The following SPAG16 variants were observed in gnomAD, a reference collection of about 807,000 sequenced individuals.
SPAG16 encodes sperm-associated antigen 16 protein.
A neutral mutation model predicts 80.4 loss-of-function variants in SPAG16; 86 were observed. The observed-to-expected ratio is 1.07, with a 90% confidence interval of 0.90 to 1.28. The LOEUF (loss-of-function observed/expected upper bound fraction) is 1.28. SPAG16 is among the 50% of genes most tolerant of loss of function. The pLI, the probability that SPAG16 is intolerant of heterozygous loss-of-function variation, is 0.00. For synonymous variants in SPAG16, 294 were observed against 265.9 expected, an observed-to-expected ratio of 1.11 and a Z score of -1.03; for missense variants, 870 against 765.3, an observed-to-expected ratio of 1.14 and a Z score of -1.61.
chr2:213,586,023 C>A (rs1247310498), intron 10 of SPAG16, among the ~76,000 whole-genome samples: 1 of 152,004 alleles, frequency 6.6e-6, no homozygotes, highest in African/African-American at 2.4e-5. Flanking sequence ...TGACGTATAC[C>A]ATGCATTCAG....
intron 15 of SPAG16, among the ~76,000 whole-genome samples, chr2:214,340,028 A>G (rs1028968700): frequency 1.3e-5 from 2 of 152,222 alleles, no homozygotes; most frequent in Non-Finnish European, 1.5e-5. Flanking sequence ...AATATGTGTT[A>G]CCTGAAGTTG....
chr2:213,990,325 CA>C (rs11331514), intron 12 of SPAG16, among the ~76,000 whole-genome samples: 10,176 of 152,110 alleles, frequency 0.067, 410 homozygotes, highest in African/African-American at 0.11. Context: ...AGAAATTAAT[CA>C]CTTTTTTGCA....
intron 9 of SPAG16, among the ~76,000 whole-genome samples, chr2:213,426,727 T>A (rs2069938609): frequency 6.6e-6 from 1 of 151,482 alleles, no homozygotes; most frequent in African/African-American, 2.4e-5. Context: ...CTTAAAAGGG[T>A]GAACTGTTCT....
At chr2:213,451,918 C>T (rs2071717049) in intron 9 of SPAG16, among the ~76,000 whole-genome samples, 1 of 152,038 alleles carries the variant, frequency 6.6e-6, no homozygotes, top group Non-Finnish European at 1.5e-5. Flanking sequence ...GTGTCCCTGA[C>T]TCGCCCCATA....
intron 10 of SPAG16, among the ~76,000 whole-genome samples, chr2:213,636,773 A>T (rs939987874): frequency 2.0e-5 from 3 of 152,212 alleles, no homozygotes; most frequent in African/African-American, 7.2e-5. Context: ...GTTCGTGTAT[A>T]ACAATGCTAC....
chr2:214,079,565 A>G (rs2051258686), intron 13 of SPAG16, among the ~76,000 whole-genome samples: 1 of 152,228 alleles, frequency 6.6e-6, no homozygotes, highest in Non-Finnish European at 1.5e-5. Context: ...TAAAATTCCC[A>G]ACAAATTTCA....
At chr2:213,288,648 T>A (rs900153524) in intron 1 of SPAG16, among the ~76,000 whole-genome samples, 2 of 151,880 alleles carry the variant, frequency 1.3e-5, no homozygotes, top group Non-Finnish European at 2.9e-5. Context: ...TTTTTAACTT[T>A]TTTTTTTTTT....
intron 12 of SPAG16, among the ~76,000 whole-genome samples, chr2:213,979,685 A>G (rs1380681811): frequency 6.6e-6 from 1 of 152,060 alleles, no homozygotes; most frequent in African/African-American, 2.4e-5. Flanking sequence ...ACGTGGGGAT[A>G]ATGGAGATTA....
chr2:213,600,440 T>C (rs1209406069), intron 10 of SPAG16, among the ~76,000 whole-genome samples: 1 of 152,200 alleles, frequency 6.6e-6, no homozygotes, highest in African/African-American at 2.4e-5. Flanking sequence ...GATATGAAGG[T>C]TTTGGATTCC....
chr2:213,361,684 A>G (rs1258875977), intron 7 of SPAG16, among the ~76,000 whole-genome samples: 3 of 151,770 alleles, frequency 2.0e-5, no homozygotes, highest in Non-Finnish European at 2.9e-5. Flanking sequence ...AAAACTCAAC[A>G]TAATAATGGG....
At chr2:213,826,922 G>T (rs2073338242) in intron 10 of SPAG16, among the ~76,000 whole-genome samples, 1 of 151,674 alleles carries the variant, frequency 6.6e-6, no homozygotes, top group African/African-American at 2.4e-5. Flanking sequence ...CTTTGGTGTT[G>T]GGTGCATATA....
At chr2:213,338,486 A>G (rs1302389799) in intron 5 of SPAG16, among the ~76,000 whole-genome samples, 2 of 152,232 alleles carry the variant, frequency 1.3e-5, no homozygotes, top group Non-Finnish European at 2.9e-5. Context: ...ATGCAAAGAC[A>G]CACATAGACT....
chr2:214,144,966 A>G (rs557591421), intron 14 of SPAG16, among the ~76,000 whole-genome samples: 4 of 152,174 alleles, frequency 2.6e-5, no homozygotes, highest in South Asian at 2.1e-4. Flanking sequence ...TTATGTTACT[A>G]TATAATATTT....
At chr2:214,149,367 A>T (rs1004022213) in intron 15 of SPAG16, 101 bp downstream of exon 15, 2 of 1,163,396 alleles carry the variant, frequency 1.7e-6, no homozygotes, top group Non-Finnish European at 2.3e-6. Context: ...TTCTACGTAA[A>T]TGTCTGTTCT....
chr2:214,307,748 G>A (rs36084411), intron 15 of SPAG16, among the ~76,000 whole-genome samples: 35,292 of 152,006 alleles, frequency 0.23, 4,279 homozygotes, highest in East Asian at 0.34. Context: ...TTGTGCTATG[G>A]TCTGAGAGAG....
At chr2:214,035,474 G>C (rs1365202410) in intron 13 of SPAG16, among the ~76,000 whole-genome samples, 7 of 152,314 alleles carry the variant, frequency 4.6e-5, no homozygotes, top group Admixed American at 6.5e-5. Context: ...TCACATACTT[G>C]TTGGTGCCCA....
intron 7 of SPAG16, among the ~76,000 whole-genome samples, chr2:213,362,926 G>T (rs2066067251): frequency 6.6e-6 from 1 of 152,072 alleles, no homozygotes; most frequent in South Asian, 2.1e-4. Context: ...CAACACTGGG[G>T]ATCACTTTTC....
intron 15 of SPAG16, among the ~76,000 whole-genome samples, chr2:214,236,715 G>A (rs1220036297): frequency 1.3e-5 from 2 of 151,744 alleles, no homozygotes; most frequent in African/African-American, 4.8e-5. Flanking sequence ...CATTTATTAC[G>A]ATTCACCAAA....
In SPAG16 at chr2:213,340,244, AAAC is replaced by A; in HGVS notation, c.621_623del (p.Asn207del). On this transcript the variant is annotated inframe_deletion, in exon 6 of 16. Transcript: ENST00000331683. ...ATCATAAGCGAATAGTCCAGGAAAA[AAAC>A]AAATTAATTAATGACCTCAAAGGGT... The A allele has an allele frequency of 6.2e-7, 1 of 1,610,712 alleles. No homozygotes were observed. Among genetic ancestry groups the A allele is most frequent in the African/African-American group, 1.3e-5 (1 of 74,882 alleles).
Sources: gnomAD v4.1 joint callset for allele counts (sites outside exome capture counted in the v4.1 genomes callset) on GRCh38, gnomAD v4.1.1 for gene constraint, MANE v1.5 for transcripts, NCBI Gene and HGNC (gene_info 2026-07-23, HGNC 2026-07-21) for gene names.